Variants in TTBK2 observed in about 807,000 individuals in gnomAD.
TTBK2 encodes tau tubulin kinase 2.
A neutral mutation model predicts 110.8 loss-of-function variants in TTBK2; 28 were observed. That is an observed-to-expected ratio of 0.25 (90% CI 0.19 to 0.35). The LOEUF (loss-of-function observed/expected upper bound fraction) is 0.35, where lower values mean the gene tolerates loss of function less well. Among genes scored for constraint, TTBK2 ranks in the 10% least tolerant of loss-of-function variants. The pLI is 1.00. For synonymous variants in TTBK2, 532 were observed against 527.3 expected, an observed-to-expected ratio of 1.01 and a Z score of -0.12; for missense variants, 1,369 against 1,500.3, an observed-to-expected ratio of 0.91 and a Z score of 1.45.
intron 13 of TTBK2, among the ~76,000 whole-genome samples, chr15:42,772,996 T>C (rs1889744052): frequency 6.6e-6 from 1 of 151,972 alleles, no homozygotes; most frequent in Non-Finnish European, 1.5e-5. Flanking sequence ...TAGATGTAAG[T>C]TTTCATTGCC....
At chr15:42,876,513 G>C (rs753126597) in intron 2 of TTBK2, among the ~76,000 whole-genome samples, 1 of 152,124 alleles carries the variant, frequency 6.6e-6, no homozygotes, top group African/African-American at 2.4e-5. Context: ...TAATGACATA[G>C]TTTCCTTATA....
chr15:42,796,777 T>C (rs1209835079), intron 9 of TTBK2, among the ~76,000 whole-genome samples: 1 of 152,230 alleles, frequency 6.6e-6, no homozygotes, highest in East Asian at 1.9e-4. Context: ...ATTACCTTAT[T>C]CATAACATTC....
chr15:42,807,244 G>A (rs993712597), intron 9 of TTBK2, among the ~76,000 whole-genome samples: 1 of 152,132 alleles, frequency 6.6e-6, no homozygotes, highest in Non-Finnish European at 1.5e-5. Context: ...TAGCAACGTT[G>A]TAGCAGTGGG....
At chr15:42,763,192 A>T (rs7169685) in intron 13 of TTBK2, among the ~76,000 whole-genome samples, 33 of 13,382 alleles carry the variant, frequency 2.5e-3, no homozygotes, top group Admixed American at 4.6e-3. Context: ...ATATATATAT[A>T]TTTTTTTTTT....
At chr15:42,810,770 C>A in intron 8 of TTBK2, 31 bp from the exon 9 acceptor site, 1 of 1,612,302 alleles carries the variant, frequency 6.2e-7, no homozygotes, top group South Asian at 1.1e-5. Context: ...GAGCTACAGT[C>A]AATTTCTCTT....
intron 9 of TTBK2, among the ~76,000 whole-genome samples, chr15:42,795,513 T>A (rs936751052): frequency 1.3e-5 from 2 of 152,158 alleles, no homozygotes; most frequent in African/African-American, 4.8e-5. Context: ...TCTCTCCTCA[T>A]CATTTCTGGA....
At chr15:42,761,460 C>T (rs2062024775) in intron 13 of TTBK2, among the ~76,000 whole-genome samples, 1 of 150,986 alleles carries the variant, frequency 6.6e-6, no homozygotes, top group Admixed American at 6.6e-5. Flanking sequence ...ACCTTCTTCA[C>T]AGCAAAGGAA....
Position 42,830,000 on chromosome 15 carries a change from G to C in TTBK2, c.370C>G (p.Gln124Glu). 6.2e-7 allele frequency: 1 copy of C among 1,614,094 alleles called. No individual in the cohort carries two copies. The highest frequency in any genetic ancestry group is 1.3e-5 in the African/African-American group (1 of 75,022). ...ATGCTTTCAATAGACTCCAAAATCT[G>C]TCTACCCAGCCGGAGAGTGGTACTA... is the stretch of plus-strand genomic sequence containing the variant. Reference protein sequence around the residue: ...TISTTLRLGRQILESIESIHS... With the variant: ...TISTTLRLGREILESIESIHS... The change falls in exon 5 of 15, where the codon CAG (glutamine) becomes GAG (glutamate). Residue 124 changes from glutamine (Q) to glutamate (E), a missense_variant. Around this residue, in one of 4 missense-constraint regions of TTBK2, gnomAD observed 122 missense variants for 159.7 expected, o/e 0.76. Coordinates refer to ENST00000267890, the MANE Select transcript of TTBK2 (RefSeq NM_173500.4).
At chr15:42,826,698 A>T (rs1403945425) in intron 6 of TTBK2, among the ~76,000 whole-genome samples, 1 of 152,206 alleles carries the variant, frequency 6.6e-6, no homozygotes, top group Non-Finnish European at 1.5e-5. Flanking sequence ...TTATCTGACC[A>T]TGTGACAGCC....
intron 11 of TTBK2, among the ~76,000 whole-genome samples, chr15:42,782,230 C>T (rs1890210041): frequency 6.6e-6 from 1 of 152,142 alleles, no homozygotes. Flanking sequence ...CACCACCAAA[C>T]CCTGCTAATT....
At chr15:42,747,838 A>T (rs2061816560) in intron 14 of TTBK2, among the ~76,000 whole-genome samples, 1 of 152,226 alleles carries the variant, frequency 6.6e-6, no homozygotes, top group Admixed American at 6.5e-5. Context: ...ATCCAAAAAG[A>T]TCCCCATGTT....
intron 13 of TTBK2, among the ~76,000 whole-genome samples, chr15:42,756,005 G>A (rs1449044998): frequency 6.6e-6 from 1 of 152,120 alleles, no homozygotes; most frequent in Non-Finnish European, 1.5e-5. Flanking sequence ...AGACCAGACT[G>A]GCCAACATGG....
chr15:42,811,342 T>A (rs1891713925), intron 8 of TTBK2, among the ~76,000 whole-genome samples: 1 of 152,208 alleles, frequency 6.6e-6, no homozygotes, highest in Non-Finnish European at 1.5e-5. Flanking sequence ...TCAACACATG[T>A]GTTTACAGTT....
intron 1 of TTBK2, among the ~76,000 whole-genome samples, chr15:42,903,197 T>C (rs571399436): frequency 1.3e-5 from 2 of 152,248 alleles, no homozygotes; most frequent in African/African-American, 4.8e-5. Flanking sequence ...ATTATATGAT[T>C]CCACTTATAA....
intron 3 of TTBK2, among the ~76,000 whole-genome samples, chr15:42,859,370 A>G (rs746050838): frequency 4.6e-5 from 7 of 152,136 alleles, no homozygotes; most frequent in African/African-American, 1.2e-4. Context: ...AGCCTCCCAA[A>G]GTGCTGGGAT....
rs181714446 is a variant in TTBK2 at position 42,870,123 on chromosome 15, G to A, written c.217+2488C>T. Among the ~76,000 whole-genome samples, 414 of 151,932 alleles carry A rather than the reference G, an allele frequency of 2.7e-3. 1 individual carries two copies. Among genetic ancestry groups the A allele is most frequent in the African/African-American group, 9.6e-3 (396 of 41,428 alleles). ...CAGGAGGCGGAGGTTGCAGTGAGCCGATATTGTGCCACTGCACTCCAGCCT... is the reference window on the plus strand; with the variant it reads ...CAGGAGGCGGAGGTTGCAGTGAGCCAATATTGTGCCACTGCACTCCAGCCT... On this transcript the variant is annotated intron_variant, in intron 3 of 14. Coordinates refer to ENST00000267890, the MANE Select transcript of TTBK2 (RefSeq NM_173500.4).
intron 11 of TTBK2, among the ~76,000 whole-genome samples, chr15:42,781,470 A>G (rs1890175802): frequency 6.6e-6 from 1 of 152,094 alleles, no homozygotes; most frequent in Admixed American, 6.6e-5. Flanking sequence ...TAGGATTTAG[A>G]CTATTGATGT....
At chr15:42,843,797 C>A (rs1308292010) in intron 3 of TTBK2, among the ~76,000 whole-genome samples, 1 of 148,834 alleles carries the variant, frequency 6.7e-6, no homozygotes, top group Non-Finnish European at 1.5e-5. Context: ...TGTAACTTCT[C>A]AATTGCCCCT....
At position 42,920,746 on chromosome 15, in the gene TTBK2, C is replaced by T. The variant is rs996658732; in HGVS notation, c.-376G>A. ...CCTGCCGCCGCCGCCGCCTCGTCCC[C>T]ACCGCTCCCATCGCCGCTGCGGCGA... On this transcript the variant is annotated 5_prime_UTR_variant, in exon 1 of 15. Transcript: ENST00000267890. 6.5e-6 allele frequency: 1 copy of T among 154,134 alleles called. No individual in the cohort carries two copies. Among genetic ancestry groups the T allele is most frequent in the East Asian group, 1.9e-4 (1 of 5,220 alleles). 9.5% of individuals were successfully genotyped at this position (154,134 alleles called of 1,614,324 possible).
Sources: allele counts gnomAD v4.1 joint callset (sites outside exome capture counted in the v4.1 genomes callset), GRCh38; gene constraint gnomAD v4.1.1; regional missense constraint gnomAD v4.1.1; transcripts MANE v1.5; gene names NCBI Gene and HGNC (gene_info 2026-07-23, HGNC 2026-07-21).